The following XYLT1 variants were observed in gnomAD, a reference collection of about 807,000 sequenced individuals.
XYLT1 encodes the protein beta-D-xylosyltransferase 1.
Under a neutral mutation model 91.3 loss-of-function variants are expected in XYLT1, and 36 were observed. The observed-to-expected ratio is 0.39, with a 90% CI of 0.30 to 0.52. The LOEUF is 0.52. Among genes scored for constraint, XYLT1 ranks in the 20% least tolerant of loss-of-function variants. The pLI is 0.68. For missense variants in XYLT1, 1,242 were observed against 1,284.5 expected (o/e 0.97, Z 0.51); for synonymous variants, 588 against 532.0 (o/e 1.11, Z -1.45).
chr16:17,354,958 A>G (rs778548584), intron 2 of XYLT1: 94 of 152,316 alleles, frequency 6.2e-4, no homozygotes, highest in African/African-American at 2.2e-3. Flanking sequence ...TCTCTTTAAC[A>G]TGGGAAATCA....
intron 2 of XYLT1, among the ~76,000 whole-genome samples, chr16:17,341,415 G>C (rs1407373677): frequency 6.6e-6 from 1 of 152,182 alleles, no homozygotes; most frequent in Non-Finnish European, 1.5e-5. Context: ...CAGGAGATGA[G>C]TGATAAGATA....
chr16:17,439,016 CTGATCA>C (rs2036498008), intron 1 of XYLT1, among the ~76,000 whole-genome samples: 1 of 152,126 alleles, frequency 6.6e-6, no homozygotes, highest in East Asian at 1.9e-4. Context: ...TAAATTAGAT[CTGATCA>C]TTGAAATTAA....
intron 4 of XYLT1, among the ~76,000 whole-genome samples, chr16:17,199,639 A>G (rs1197309696): frequency 2.0e-5 from 3 of 152,148 alleles, no homozygotes; most frequent in East Asian, 1.9e-4. Context: ...GTGGTAGTGA[A>G]TAAGTCTCAT....
At chr16:17,411,810 ACTCCGGT>A (rs920298698) in intron 1 of XYLT1, among the ~76,000 whole-genome samples, 8 of 151,984 alleles carry the variant, frequency 5.3e-5, no homozygotes, top group African/African-American at 1.5e-4. Flanking sequence ...CCAAGAAGAA[ACTCCGGT>A]GCCCTGAAGG....
intron 2 of XYLT1, among the ~76,000 whole-genome samples, chr16:17,270,568 C>T (rs75026450): frequency 0.11 from 16,913 of 151,972 alleles, 1,342 homozygotes; most frequent in Admixed American, 0.25. Flanking sequence ...GAGAAAAAGA[C>T]GAAAAGGAAG....
intron 6 of XYLT1, among the ~76,000 whole-genome samples, chr16:17,146,552 T>A (rs529100227): frequency 6.6e-6 from 1 of 152,144 alleles, no homozygotes; most frequent in Non-Finnish European, 1.5e-5. Context: ...CAAGGACTGA[T>A]GAAATTAGCA....
intron 2 of XYLT1, among the ~76,000 whole-genome samples, chr16:17,269,551 G>A (rs1276479058): frequency 6.6e-6 from 1 of 152,166 alleles, no homozygotes; most frequent in Non-Finnish European, 1.5e-5. Context: ...TAAAGTGACT[G>A]CTTTAGAAAA....
intron 1 of XYLT1, among the ~76,000 whole-genome samples, chr16:17,397,455 C>T (rs1378486261): frequency 2.0e-5 from 3 of 152,146 alleles, no homozygotes; most frequent in African/African-American, 7.2e-5. Context: ...ATTAAAAACT[C>T]TGACGATCTG....
chr16:17,219,421 T>C lies in XYLT1; in HGVS notation c.914-18767A>G, dbSNP rs956067583. On this transcript the variant is annotated intron_variant, in intron 3 of 11. Coordinates refer to ENST00000261381, the MANE Select transcript of XYLT1 (RefSeq NM_022166.4). ...AATCTCTAAATAAATGTGAAATGAATGAACGCTACATCTTGTCTTTTACCA... is the reference window on the plus strand; with the variant it reads ...AATCTCTAAATAAATGTGAAATGAACGAACGCTACATCTTGTCTTTTACCA... Among the ~76,000 whole-genome samples the C allele has an allele frequency of 3.7e-4, 57 of 152,122 alleles. 1 individual carries two copies. The highest frequency in any genetic ancestry group is 1.3e-3 in the African/African-American group (55 of 41,480).
intron 4 of XYLT1, 33 bp downstream of exon 4, chr16:17,200,449 G>A (rs776333721): frequency 1.9e-6 from 3 of 1,596,570 alleles, no homozygotes; most frequent in East Asian, 2.3e-5. Flanking sequence ...CCCGAAGAAA[G>A]CCCAGCAAGG....
At chr16:17,204,107 G>C (rs922626980) in intron 3 of XYLT1, among the ~76,000 whole-genome samples, 1 of 152,210 alleles carries the variant, frequency 6.6e-6, no homozygotes, top group African/African-American at 2.4e-5. Flanking sequence ...GAGTGTTGCC[G>C]AGTCCAAAGC....
chr16:17,337,543 C>T (rs2034999287), intron 2 of XYLT1, among the ~76,000 whole-genome samples: 1 of 152,096 alleles, frequency 6.6e-6, no homozygotes, highest in Non-Finnish European at 1.5e-5. Context: ...TCCTTGGGTG[C>T]AGGACTTCAC....
intron 3 of XYLT1, among the ~76,000 whole-genome samples, chr16:17,253,580 C>G (rs994555177): frequency 6.6e-6 from 1 of 152,140 alleles, no homozygotes; most frequent in Non-Finnish European, 1.5e-5. Context: ...CAGTTCTTAG[C>G]TGTGTACTAG....
chr16:17,410,629 A>G (rs1304426026), intron 1 of XYLT1, among the ~76,000 whole-genome samples: 1 of 148,666 alleles, frequency 6.7e-6, no homozygotes, highest in Non-Finnish European at 1.5e-5. Flanking sequence ...CAGCCAAACC[A>G]TATCACCTGT....
At chr16:17,130,637 C>T (rs2030434101) in intron 9 of XYLT1, among the ~76,000 whole-genome samples, 1 of 152,104 alleles carries the variant, frequency 6.6e-6, no homozygotes, top group Non-Finnish European at 1.5e-5. Flanking sequence ...TCACACCTGG[C>T]CCCTTCCATC....
At chr16:17,339,434 C>T (rs1433865805) in intron 2 of XYLT1, among the ~76,000 whole-genome samples, 2 of 152,154 alleles carry the variant, frequency 1.3e-5, no homozygotes, top group Non-Finnish European at 2.9e-5. Context: ...TTATACTTGT[C>T]ATTACTTCAA....
chr16:17,335,252 A>AAG (rs1468276705), intron 2 of XYLT1, among the ~76,000 whole-genome samples: 1 of 151,958 alleles, frequency 6.6e-6, no homozygotes, highest in African/African-American at 2.4e-5. Flanking sequence ...AACAAAAAAA[A>AAG]AACTACCTAC....
chr16:17,398,085 A>G (rs1035419407), intron 1 of XYLT1, among the ~76,000 whole-genome samples: 2 of 152,092 alleles, frequency 1.3e-5, no homozygotes, highest in Non-Finnish European at 1.5e-5. Flanking sequence ...ATACGAGTCC[A>G]GATTGGAAAA....
At chr16:17,128,843 G>A (rs1321221484) in intron 9 of XYLT1, among the ~76,000 whole-genome samples, 7 of 152,256 alleles carry the variant, frequency 4.6e-5, no homozygotes, top group Admixed American at 2.6e-4. Context: ...AATAGCTGCC[G>A]CTTCTGCAAT....
Sources: gnomAD v4.1 joint callset for allele counts (sites outside exome capture counted in the v4.1 genomes callset) on GRCh38, gnomAD v4.1.1 for gene constraint, MANE v1.5 for transcripts, NCBI Gene and HGNC (gene_info 2026-07-23, HGNC 2026-07-21) for gene names.